PCSK5: variants seen among roughly 807,000 people sequenced by gnomAD.
PCSK5 encodes proprotein convertase subtilisin/kexin type 5.
In PCSK5, 129 loss-of-function variants were observed where a neutral mutation model predicts 233.2. The observed-to-expected ratio is 0.55, with a 90% CI of 0.48 to 0.64. The LOEUF is 0.64. Ranked by LOEUF, PCSK5 falls within the 30% of genes least tolerant of loss-of-function variation. The pLI, the probability that PCSK5 is intolerant of heterozygous loss-of-function variation, is 0.00. For missense variants in PCSK5, 2,076 were observed against 2,430.1 expected (o/e 0.85, Z 3.06); for synonymous variants, 825 against 879.2 (o/e 0.94, Z 1.09).
At position 76,293,452 on chromosome 9, in the gene PCSK5, TTTTG is replaced by T. The variant is rs1269359711; in HGVS notation, c.3185+1189_3185+1192del. ...GACCCACTTTGTTTTTTTGGGTTTT[TTTTG>T]TTTGTTTGTTTTTAAGACAGTCTCA... On this transcript the variant is annotated intron_variant, in intron 25 of 37. Coordinates refer to ENST00000674117, the MANE Select transcript of PCSK5 (RefSeq NM_001372043.1). 6.6e-5 allele frequency among the ~76,000 whole-genome samples: 10 copies of T among 152,326 alleles called. No homozygotes were observed. The South Asian group carries it at 2.1e-3, about 32-fold the overall frequency.
chr9:76,143,507 T>C (rs1376944330), intron 10 of PCSK5, among the ~76,000 whole-genome samples: 1 of 152,206 alleles, frequency 6.6e-6, no homozygotes, highest in Non-Finnish European at 1.5e-5. Context: ...GCGAATCCAT[T>C]GTTCCTATGA....
rs1356714829 is a variant in PCSK5, at chr9:76,228,218, A to G, written c.2729+613A>G. On this transcript the variant is annotated intron_variant, in intron 21 of 37. Transcript: ENST00000674117. The stretch of plus-strand genomic sequence containing the variant: ...TGTCTGCTTCCTCTCCTATTTCTGA[A>G]TGGTCTTGACCTCCTGCCCTCAGGT... Among the ~76,000 whole-genome samples, 3 of 151,670 alleles carry G rather than the reference A, an allele frequency of 2.0e-5. No homozygotes were observed. In the East Asian group the frequency reaches 5.8e-4, roughly 29 times the overall value.
At chr9:76,260,832 T>C (rs1278032524) in intron 24 of PCSK5, among the ~76,000 whole-genome samples, 2 of 152,212 alleles carry the variant, frequency 1.3e-5, no homozygotes, top group Admixed American at 1.3e-4. Context: ...TAGAAAACTA[T>C]TTAACTATTA....
At chr9:76,284,144 C>T (rs992197417) in intron 24 of PCSK5, among the ~76,000 whole-genome samples, 3 of 151,902 alleles carry the variant, frequency 2.0e-5, no homozygotes, top group Non-Finnish European at 1.5e-5. Context: ...AACTTATGTT[C>T]ATGATTTTTA....
At chr9:76,126,510 G>T (rs1021035542) in intron 9 of PCSK5, among the ~76,000 whole-genome samples, 1 of 152,166 alleles carries the variant, frequency 6.6e-6, no homozygotes, top group East Asian at 1.9e-4. Flanking sequence ...CCACTCAGGA[G>T]GCTGAGGCAG....
At position 75,903,115 on chromosome 9, in the gene PCSK5, T is replaced by C. The variant is rs547357498; in HGVS notation, c.192+11742T>C. 6.6e-5 allele frequency among the ~76,000 whole-genome samples: 10 copies of C among 152,340 alleles called. No individual in the cohort carries two copies. The East Asian group carries it at 1.9e-3, about 29-fold the overall frequency. ...ATTCACATTTCATGTATTCTGCCCTTTAAATACGTATTTTATATAGTACAA... is the reference window on the plus strand; with the variant it reads ...ATTCACATTTCATGTATTCTGCCCTCTAAATACGTATTTTATATAGTACAA... On this transcript the variant is annotated intron_variant, in intron 1 of 37. Transcript: ENST00000674117.
intron 2 of PCSK5, among the ~76,000 whole-genome samples, chr9:75,936,523 C>G (rs375544305): frequency 1.3e-5 from 2 of 152,192 alleles, no homozygotes; most frequent in Non-Finnish European, 2.9e-5. Context: ...CAGTAGATCC[C>G]GCTTTCTTTG....
intron 3 of PCSK5, among the ~76,000 whole-genome samples, chr9:75,992,909 G>C (rs991469347): frequency 6.6e-6 from 1 of 152,160 alleles, no homozygotes; most frequent in Non-Finnish European, 1.5e-5. Flanking sequence ...TCGGTTATGC[G>C]TGTGGGGCAT....
At chr9:75,934,793 CGACCTCAAGTGGTCTGCCT>C (rs991910707) in intron 2 of PCSK5, among the ~76,000 whole-genome samples, 18 of 151,998 alleles carry the variant, frequency 1.2e-4, no homozygotes, top group African/African-American at 4.3e-4. Flanking sequence ...TGCTGGCTAG[CGACCTCAAGTGGTCTGCCT>C]GACCTCAAGT....
At chr9:76,208,343 C>T (rs1294022486) in intron 20 of PCSK5, among the ~76,000 whole-genome samples, 1 of 152,126 alleles carries the variant, frequency 6.6e-6, no homozygotes, top group African/African-American at 2.4e-5. Flanking sequence ...GTTATGTTCT[C>T]CAGGAGCCAC....
intron 32 of PCSK5, among the ~76,000 whole-genome samples, chr9:76,325,859 A>G (rs1428720914): frequency 2.0e-5 from 3 of 151,968 alleles, no homozygotes; most frequent in African/African-American, 7.3e-5. Context: ...GTGGTCTCGA[A>G]CTCCTGACCT....
intron 3 of PCSK5, among the ~76,000 whole-genome samples, chr9:76,002,548 G>T (rs1451786443): frequency 6.6e-6 from 1 of 152,158 alleles, no homozygotes; most frequent in Non-Finnish European, 1.5e-5. Flanking sequence ...CATAGACTTT[G>T]TTATCCTAAT....
At chr9:76,255,183 A>T (rs770785856) in intron 24 of PCSK5, among the ~76,000 whole-genome samples, 2 of 152,130 alleles carry the variant, frequency 1.3e-5, no homozygotes, top group Non-Finnish European at 2.9e-5. Flanking sequence ...GCTACTAGGG[A>T]GGCTGAGGTG....
chr9:76,189,886 A>C, intron 20 of PCSK5, 140 bp downstream of exon 20: 3 of 569,262 alleles, frequency 5.3e-6, no homozygotes, highest in East Asian at 2.9e-5. Context: ...GCATTCATTC[A>C]TCTTGAACTT....
chr9:76,219,801 C>T (rs757299780), intron 20 of PCSK5, among the ~76,000 whole-genome samples: 1 of 152,186 alleles, frequency 6.6e-6, no homozygotes, highest in Non-Finnish European at 1.5e-5. Flanking sequence ...AAGCGTCTCC[C>T]AAGGGTGACT....
Position 76,135,628 on chromosome 9 carries a change from G to A in PCSK5, c.1312+1416G>A, listed in dbSNP as rs142522050. 3.6e-4 allele frequency among the ~76,000 whole-genome samples: 55 copies of A among 152,118 alleles called. 1 individual carries two copies. Among genetic ancestry groups the A allele is most frequent in the African/African-American group, 1.3e-3 (52 of 41,532 alleles). ...AATTATTTGAAATTTCGGTTGTTCC[G>A]GAAAATCCAGGATGTAATTTGCCAT... On this transcript the variant is annotated intron_variant, in intron 10 of 37. Transcript: ENST00000674117.
intron 3 of PCSK5, among the ~76,000 whole-genome samples, chr9:76,019,016 G>T (rs903061406): frequency 2.6e-5 from 4 of 152,120 alleles, no homozygotes; most frequent in African/African-American, 9.7e-5. Context: ...CTATGCTGTG[G>T]TGTCAGACTG....
intron 3 of PCSK5, among the ~76,000 whole-genome samples, chr9:76,022,874 A>G (rs959529849): frequency 7.9e-5 from 12 of 152,118 alleles, no homozygotes; most frequent in Admixed American, 5.9e-4. Context: ...GAATTTGTCT[A>G]CTGGCTACAA....
intron 3 of PCSK5, among the ~76,000 whole-genome samples, chr9:76,001,191 AAC>A (rs1827245704): frequency 6.6e-6 from 1 of 152,146 alleles, no homozygotes; most frequent in African/African-American, 2.4e-5. Flanking sequence ...CGCTGTGTAC[AAC>A]ACTCTCTTAG....
Sources: gnomAD v4.1 joint callset for allele counts (sites outside exome capture counted in the v4.1 genomes callset) on GRCh38, gnomAD v4.1.1 for gene constraint, MANE v1.5 for transcripts, NCBI Gene and HGNC (gene_info 2026-07-23, HGNC 2026-07-21) for gene names.